Variants in TSPEAR observed in about 807,000 individuals in gnomAD.
TSPEAR encodes thrombospondin type laminin G domain and EAR repeats, also known as thrombospondin-type laminin G domain and EAR repeat-containing protein.
Under a neutral mutation model 71.6 loss-of-function variants are expected in TSPEAR, and 69 were observed. The ratio of observed to expected loss-of-function variants is 0.96; its 90% CI spans 0.79 to 1.18. The LOEUF (loss-of-function observed/expected upper bound fraction) is 1.18, where lower values mean the gene tolerates loss of function less well. Among genes scored for constraint, TSPEAR ranks in the 50% most tolerant of loss-of-function variants. The probability of loss-of-function intolerance (pLI) is 0.00; values close to 1 mark genes in which losing one functional copy is unlikely to be tolerated. For synonymous variants in TSPEAR, 402 were observed against 387.2 expected, an observed-to-expected ratio of 1.04 and a Z score of -0.45; for missense variants, 971 against 894.9, an observed-to-expected ratio of 1.09 and a Z score of -1.09.
intron 1 of TSPEAR, among the ~76,000 whole-genome samples, chr21:44,582,413 T>C (rs1555925258): frequency 3.3e-5 from 5 of 152,210 alleles, no homozygotes; most frequent in Non-Finnish European, 2.9e-5. Flanking sequence ...CAGGTGGTCC[T>C]GAGCCAGCGG....
At chr21:44,683,002 T>C (rs1123949) in intron 1 of TSPEAR, among the ~76,000 whole-genome samples, 97,393 of 151,856 alleles carry the variant, frequency 0.64, 31,387 homozygotes, top group South Asian at 0.72. Context: ...GAGAAGCTGC[T>C]AGAGGATTGA....
rs587742842 is a variant in TSPEAR at position 44,512,151 on chromosome 21, C to T, written c.1567-2765G>A. The stretch of plus-strand genomic sequence containing the variant: ...AGGAGGGCTGGGCGCACACAGAGTG[C>T]GGAGCAGGGGCTGGGGCGGGCCTAC... On this transcript the variant is annotated intron_variant, in intron 9 of 11. Transcript: ENST00000323084. 3.3e-5 allele frequency among the ~76,000 whole-genome samples: 5 copies of T among 152,298 alleles called. No individual in the cohort carries two copies. The South Asian group carries it at 8.3e-4, about 25-fold the overall frequency.
intron 5 of TSPEAR, among the ~76,000 whole-genome samples, chr21:44,529,111 C>T (rs1231085590): frequency 2.0e-5 from 3 of 152,180 alleles, no homozygotes; most frequent in Non-Finnish European, 4.4e-5. Flanking sequence ...CCATGCGGCC[C>T]GGATGTGTTG....
rs1413388123 is a variant in TSPEAR at position 44,612,119 on chromosome 21, A to C, written c.83-44114T>G. ...ACCCACCATGGCTGACGCCTGCTGC[A>C]CCAGGACGTATGTGATTGCTGCATC... On this transcript the variant is annotated intron_variant, in intron 1 of 11. Coordinates refer to ENST00000323084, the MANE Select transcript of TSPEAR (RefSeq NM_144991.3). This position sits in a 1 kb window ranked among gnomAD's most constrained non-coding sequence, Gnocchi z 4.1. The C allele has an allele frequency of 2.5e-6, 4 of 1,613,926 alleles. No individual in the cohort carries two copies. Among genetic ancestry groups the C allele is most frequent in the Non-Finnish European group, 3.4e-6 (4 of 1,179,912 alleles).
intron 1 of TSPEAR, among the ~76,000 whole-genome samples, chr21:44,694,068 G>A (rs1242822073): frequency 6.6e-6 from 1 of 152,168 alleles, no homozygotes; most frequent in Non-Finnish European, 1.5e-5. Flanking sequence ...TAAGAGTCCG[G>A]AAATAAAGCT....
intron 1 of TSPEAR, among the ~76,000 whole-genome samples, chr21:44,669,084 A>G (rs1985929095): frequency 6.6e-6 from 1 of 152,240 alleles, no homozygotes; most frequent in South Asian, 2.1e-4. Context: ...AAGAAAAAGA[A>G]TTAAGAAAAA....
intron 1 of TSPEAR, among the ~76,000 whole-genome samples, chr21:44,625,056 A>G (rs1982679672): frequency 6.6e-6 from 1 of 152,262 alleles, no homozygotes; most frequent in African/African-American, 2.4e-5. Flanking sequence ...AGAAAAAGGT[A>G]GCATAATGGA....
intron 1 of TSPEAR, chr21:44,702,330 G>C (rs1365478209): frequency 2.5e-6 from 4 of 1,609,590 alleles, no homozygotes; most frequent in Middle Eastern, 4.0e-4. Context: ...GCCTGACCCT[G>C]GTCTGCACCC....
intron 1 of TSPEAR, chr21:44,698,030 G>A: frequency 6.8e-7 from 1 of 1,465,482 alleles, no homozygotes; most frequent in East Asian, 2.3e-5. Context: ...CCCACTACTG[G>A]CCCCTCGGCT....
At chr21:44,572,187 C>T (rs117314734) in intron 1 of TSPEAR, among the ~76,000 whole-genome samples, 3,375 of 152,306 alleles carry the variant, frequency 0.022, 49 homozygotes, top group Non-Finnish European at 0.032. Flanking sequence ...TACAAAACAC[C>T]CAACCGGTCA....
chr21:44,551,963 C>T (rs1342755601), intron 2 of TSPEAR, among the ~76,000 whole-genome samples: 2 of 152,212 alleles, frequency 1.3e-5, no homozygotes, highest in African/African-American at 4.8e-5. Flanking sequence ...ACAGCGCTTC[C>T]TGGCGGGCTC....
chr21:44,711,324 T>C lies in TSPEAR; in HGVS notation c.82+109A>G. On this transcript the variant is annotated intron_variant, in intron 1 of 11. Coordinates refer to ENST00000323084, the MANE Select transcript of TSPEAR (RefSeq NM_144991.3). This position sits in a 1 kb window ranked among gnomAD's most constrained non-coding sequence, Gnocchi z 4.5. ...ACCTGCCAGTCCTGCCAAAGCGTCC[T>C]CGGGCACCGCGGCTTGAATCAGTGT... 1 of 1,039,360 alleles carries C rather than the reference T, an allele frequency of 9.6e-7. No individual in the cohort carries two copies. The highest frequency in any genetic ancestry group is 1.4e-6 in the Non-Finnish European group (1 of 706,360). 64.4% of individuals were successfully genotyped at this position (1,039,360 alleles called of 1,614,324 possible).
At chr21:44,638,033 G>T in intron 1 of TSPEAR, 1 of 1,613,166 alleles carries the variant, frequency 6.2e-7, no homozygotes. Flanking sequence ...CTGCGTGCCC[G>T]TCCCCTCCTG....
intron 9 of TSPEAR, among the ~76,000 whole-genome samples, chr21:44,521,203 C>G (rs1195533331): frequency 6.6e-6 from 1 of 152,242 alleles, no homozygotes; most frequent in Non-Finnish European, 1.5e-5. Context: ...CTCCGGGGAA[C>G]TGGGCTCACA....
chr21:44,626,983 A>G, intron 1 of TSPEAR: 2 of 895,006 alleles, frequency 2.2e-6, no homozygotes, highest in Middle Eastern at 3.5e-4. Context: ...GCAAACAAAC[A>G]TCCCTAATCA....
intron 2 of TSPEAR, among the ~76,000 whole-genome samples, chr21:44,548,651 G>A (rs2053344870): frequency 6.6e-6 from 1 of 152,196 alleles, no homozygotes; most frequent in African/African-American, 2.4e-5. Flanking sequence ...GCCAGGGGAC[G>A]CTGGCCGGGG....
At position 44,612,223 on chromosome 21, in the gene TSPEAR, G is replaced by C; in HGVS notation, c.83-44218C>G. The C allele has an allele frequency of 6.2e-7, 1 of 1,613,826 alleles. No homozygotes were observed. The highest frequency in any genetic ancestry group is 8.5e-7 in the Non-Finnish European group (1 of 1,179,998). On this transcript the variant is annotated intron_variant, in intron 1 of 11. Coordinates refer to ENST00000323084, the MANE Select transcript of TSPEAR (RefSeq NM_144991.3). The surrounding 1 kb of genome is among the most constrained non-coding windows in gnomAD (Gnocchi z 4.1). ...CCAGCACCTGCACTGGCTCCTCCTG[G>C]CAGGTGGACAATTGCCAGGAAAGCT...
intron 2 of TSPEAR, among the ~76,000 whole-genome samples, chr21:44,537,895 G>C (rs782178361): frequency 6.6e-5 from 10 of 152,194 alleles, no homozygotes; most frequent in Non-Finnish European, 1.0e-4. Context: ...GGCCATAGTG[G>C]GTTCCCAGCA....
chr21:44,509,757 A>C lies in TSPEAR; in HGVS notation c.1567-371T>G, dbSNP rs1434469634. The stretch of plus-strand genomic sequence containing the variant: ...CTGAATGTTAGTGCCAGCTGTGCCC[A>C]GCCCTGCCCCTAGCGACCATCTGTG... On this transcript the variant is annotated intron_variant, in intron 9 of 11. Transcript: ENST00000323084. The C allele has an allele frequency of 7.1e-5, 19 of 268,842 alleles. No individual in the cohort carries two copies. In the South Asian group the frequency reaches 7.6e-4, roughly 11 times the overall value. The allele number at this position is 268,842 out of a possible 1,614,324, so 16.7% of individuals were successfully genotyped here.
Sources: allele counts gnomAD v4.1 joint callset (sites outside exome capture counted in the v4.1 genomes callset), GRCh38; gene constraint gnomAD v4.1.1; non-coding constraint Gnocchi (gnomAD v3.1); transcripts MANE v1.5; gene names NCBI Gene and HGNC (gene_info 2026-07-23, HGNC 2026-07-21).